Variants in IL1RAPL2 observed in about 807,000 individuals in gnomAD.
IL1RAPL2 encodes the protein interleukin 1 receptor accessory protein like 2, also known as X-linked interleukin-1 receptor accessory protein-like 2.
Under a neutral mutation model 44.1 loss-of-function variants are expected in IL1RAPL2, and 3 were observed. The ratio of observed to expected loss-of-function variants is 0.07; its 90% CI spans 0.03 to 0.18. IL1RAPL2 has a LOEUF of 0.18. IL1RAPL2 is among the 10% of genes least tolerant of loss of function. The pLI, the probability that IL1RAPL2 is intolerant of heterozygous loss-of-function variation, is 1.00. For missense variants in IL1RAPL2, 391 were observed against 496.4 expected, an observed-to-expected ratio of 0.79 and a Z score of 2.02; for synonymous variants, 181 against 178.8, an observed-to-expected ratio of 1.01 and a Z score of -0.10.
At chrX:105,018,519 C>T in intron 2 of IL1RAPL2, among the ~76,000 whole-genome samples, 1 of 111,258 alleles carries the variant, frequency 9.0e-6, no homozygotes, top group Non-Finnish European at 1.9e-5. Flanking sequence ...TTGTGTTCCT[C>T]TCTAGACCAC....
At chrX:105,076,326 G>C (rs1396115970) in intron 2 of IL1RAPL2, among the ~76,000 whole-genome samples, 1 of 111,603 alleles carries the variant, frequency 9.0e-6, no homozygotes, top group South Asian at 3.8e-4. Flanking sequence ...GGAGCAGGTT[G>C]TTCAGTTTCC....
At chrX:104,845,293 T>C (rs147480174) in intron 2 of IL1RAPL2, among the ~76,000 whole-genome samples, 2,124 of 112,316 alleles carry the variant, frequency 0.019, 50 homozygotes, top group African/African-American at 0.064. Context: ...AAAAATATTC[T>C]GCTACTTAGA....
intron 2 of IL1RAPL2, among the ~76,000 whole-genome samples, chrX:104,920,360 C>T (rs1402783744): frequency 1.8e-5 from 2 of 110,140 alleles, no homozygotes; most frequent in African/African-American, 6.6e-5. Context: ...TTTTTAATGT[C>T]CCCTCTAATA....
chrX:105,042,766 G>T (rs1427564131), intron 2 of IL1RAPL2, among the ~76,000 whole-genome samples: 248 of 107,598 alleles, frequency 2.3e-3, no homozygotes, highest in African/African-American at 7.2e-3. Context: ...CTGCTATAAA[G>T]ACACACACAC....
At chrX:104,915,884 T>A (rs1485066962) in intron 2 of IL1RAPL2, among the ~76,000 whole-genome samples, 1 of 111,753 alleles carries the variant, frequency 8.9e-6, no homozygotes, top group Non-Finnish European at 1.9e-5. Flanking sequence ...GTTGTAGATA[T>A]GTGGCATTAT....
rs769347967 is a variant in IL1RAPL2 at position 104,747,032 on chromosome X, G to A, written c.82+88037G>A. On this transcript the variant is annotated intron_variant, in intron 2 of 10. Transcript: ENST00000372582. Reference sequence around the variant, plus strand: ...ATCTGGCTTCAATTTACCCCTTCAGGGATATCTCTGGTTAGTCTTTACAAC... The same window carrying A: ...ATCTGGCTTCAATTTACCCCTTCAGAGATATCTCTGGTTAGTCTTTACAAC... 1.5e-4 allele frequency among the ~76,000 whole-genome samples: 17 copies of A among 111,062 alleles called. No individual in the cohort carries two copies. The Admixed American group carries it at 1.6e-3, about 11-fold the overall frequency.
intron 3 of IL1RAPL2, among the ~76,000 whole-genome samples, chrX:105,229,936 C>G (rs920593212): frequency 2.7e-5 from 3 of 111,205 alleles, no homozygotes; most frequent in Non-Finnish European, 5.7e-5. Context: ...TAGCTGGGAC[C>G]ACAGGCGCGT....
chrX:105,543,914 C>T (rs745307989), intron 6 of IL1RAPL2, among the ~76,000 whole-genome samples: 7 of 111,398 alleles, frequency 6.3e-5, no homozygotes, highest in Non-Finnish European at 1.3e-4. Flanking sequence ...CTTTCATTTC[C>T]GTATAAATTT....
intron 2 of IL1RAPL2, among the ~76,000 whole-genome samples, chrX:104,921,286 C>T (rs1423890519): frequency 1.1e-4 from 11 of 101,401 alleles, no homozygotes; most frequent in African/African-American, 4.0e-4. Context: ...TGTTACAGGT[C>T]CTGCTGTCTG....
chrX:104,642,787 A>G (rs5962965), intron 1 of IL1RAPL2, among the ~76,000 whole-genome samples: 18,630 of 111,440 alleles, frequency 0.17, 3,856 homozygotes, highest in African/African-American at 0.58. Flanking sequence ...ACCTGGCTGG[A>G]TTATTTTCTT....
chrX:105,549,750 T>C (rs1402030453), intron 6 of IL1RAPL2, among the ~76,000 whole-genome samples: 1 of 111,398 alleles, frequency 9.0e-6, no homozygotes, highest in African/African-American at 3.3e-5. Flanking sequence ...GGATGCCAAA[T>C]TTCTTCACAG....
chrX:105,547,015 C>T (rs1378182881), intron 6 of IL1RAPL2, among the ~76,000 whole-genome samples: 1 of 111,647 alleles, frequency 9.0e-6, no homozygotes, highest in Non-Finnish European at 1.9e-5. Context: ...CCCTCGTGCA[C>T]AATAATAAAA....
chrX:105,719,746 T>TAA (rs3038940), intron 7 of IL1RAPL2, among the ~76,000 whole-genome samples: 18,083 of 99,637 alleles, frequency 0.18, 1,796 homozygotes, highest in African/African-American at 0.37. Context: ...CTGTTTTTCT[T>TAA]AAAAAAAAAA....
intron 2 of IL1RAPL2, among the ~76,000 whole-genome samples, chrX:104,847,827 A>G (rs1922099184): frequency 1.8e-5 from 2 of 111,888 alleles, no homozygotes; most frequent in Admixed American, 9.5e-5. Flanking sequence ...ATCCATGAGC[A>G]TGGAATGTTC....
At chrX:105,172,524 G>A (rs2033432472) in intron 2 of IL1RAPL2, among the ~76,000 whole-genome samples, 1 of 111,546 alleles carries the variant, frequency 9.0e-6, no homozygotes, top group African/African-American at 3.3e-5. Context: ...CTGTTAGCCA[G>A]GAGCTATGCT....
At chrX:104,725,223 T>G (rs776000380) in intron 2 of IL1RAPL2, among the ~76,000 whole-genome samples, 6 of 111,713 alleles carry the variant, frequency 5.4e-5, no homozygotes, top group Non-Finnish European at 1.1e-4. Flanking sequence ...CTCATCCTTT[T>G]TATGGCTGCA....
chrX:105,563,980 A>G (rs1169098042), intron 6 of IL1RAPL2, among the ~76,000 whole-genome samples: 1 of 111,610 alleles, frequency 9.0e-6, no homozygotes, highest in African/African-American at 3.3e-5. Flanking sequence ...TAGCTAATAA[A>G]CAACAGAAAT....
intron 2 of IL1RAPL2, among the ~76,000 whole-genome samples, chrX:104,781,070 T>G (rs1165788176): frequency 4.4e-5 from 2 of 45,538 alleles, no homozygotes; most frequent in Non-Finnish European, 1.1e-4. Flanking sequence ...CTTAGTTTTA[T>G]TTTTTTTTTT....
chrX:104,948,132 C>T (rs1471799664), intron 2 of IL1RAPL2, among the ~76,000 whole-genome samples: 3 of 107,163 alleles, frequency 2.8e-5, no homozygotes, highest in Non-Finnish European at 5.8e-5. Context: ...AGGTCCTTCA[C>T]ATCCCTTGTA....
Sources: gnomAD v4.1 joint callset for allele counts (sites outside exome capture counted in the v4.1 genomes callset) on GRCh38, gnomAD v4.1.1 for gene constraint, MANE v1.5 for transcripts, NCBI Gene and HGNC (gene_info 2026-07-23, HGNC 2026-07-21) for gene names.